DCAF5: variants seen among roughly 807,000 people sequenced by gnomAD.
DCAF5 encodes DDB1- and CUL4-associated factor 5.
In DCAF5, 9 loss-of-function variants were observed where a neutral mutation model predicts 80.7. That is an observed-to-expected ratio of 0.11 (90% CI 0.07 to 0.19). DCAF5 has a LOEUF of 0.19. DCAF5 is among the 10% of genes least tolerant of loss of function. The probability of loss-of-function intolerance (pLI) is 1.00; values close to 1 mark genes in which losing one functional copy is unlikely to be tolerated. For synonymous variants in DCAF5, 433 were observed against 461.9 expected, an observed-to-expected ratio of 0.94 and a Z score of 0.80; for missense variants, 842 against 1,205.7, an observed-to-expected ratio of 0.70 and a Z score of 4.47.
chr14:69,092,131 A>G (rs1200308582), intron 5 of DCAF5, among the ~76,000 whole-genome samples: 1 of 152,186 alleles, frequency 6.6e-6, no homozygotes, highest in East Asian at 1.9e-4. Flanking sequence ...AGTTACAAGA[A>G]AAGGATAACA....
chr14:69,136,032 T>A (rs1406108179), intron 1 of DCAF5, among the ~76,000 whole-genome samples: 1 of 152,152 alleles, frequency 6.6e-6, no homozygotes, highest in Non-Finnish European at 1.5e-5. Flanking sequence ...TCTACTTGTT[T>A]TGGTACAGTA....
chr14:69,110,076 T>C (rs1236445952), intron 5 of DCAF5, among the ~76,000 whole-genome samples: 2 of 152,228 alleles, frequency 1.3e-5, no homozygotes, highest in South Asian at 4.1e-4. Context: ...TAAAGTTCAG[T>C]ACTTTTCAAA....
chr14:69,135,953 T>C (rs1397884841), intron 1 of DCAF5, among the ~76,000 whole-genome samples: 1 of 152,182 alleles, frequency 6.6e-6, no homozygotes, highest in Non-Finnish European at 1.5e-5. Context: ...AATGTAACAA[T>C]GTAACAGGCT....
At chr14:69,092,124 T>C (rs966748344) in intron 5 of DCAF5, among the ~76,000 whole-genome samples, 1 of 152,150 alleles carries the variant, frequency 6.6e-6, no homozygotes, top group Non-Finnish European at 1.5e-5. Context: ...CCAGTAAAGT[T>C]ACAAGAAAAG....
At chr14:69,109,338 C>CA (rs199758443) in intron 5 of DCAF5, among the ~76,000 whole-genome samples, 2,672 of 99,910 alleles carry the variant, frequency 0.027, 73 homozygotes, top group East Asian at 0.17. Flanking sequence ...AACTCTGCCT[C>CA]AAAAAAAAAA....
In DCAF5 at chr14:69,118,360, G is replaced by T; in HGVS notation, c.396-82C>A. ...GTCCCAGCACTTTGGTACCGAGGGT[G>T]CCATCTTTTCCATTTCTAGAAGAAA... On this transcript the variant is annotated intron_variant, in intron 3 of 8. Coordinates refer to ENST00000341516, the MANE Select transcript of DCAF5 (RefSeq NM_003861.3). The surrounding 1 kb of genome is among the most constrained non-coding windows in gnomAD (Gnocchi z 4.0). 1 of 1,380,248 alleles carries T rather than the reference G, an allele frequency of 7.2e-7. No individual in the cohort carries two copies. Among genetic ancestry groups the T allele is most frequent in the Non-Finnish European group, 9.7e-7 (1 of 1,034,348 alleles). The allele number at this position is 1,380,248 out of a possible 1,614,324, so 85.5% of individuals were successfully genotyped here.
At position 69,135,686 on chromosome 14, in the gene DCAF5, A is replaced by G. The variant is rs115030374; in HGVS notation, c.215-13326T>C. On this transcript the variant is annotated intron_variant, in intron 1 of 8. Transcript: ENST00000341516. ...AGCCAATGATAAAATTCAAGCTTTCAAGTAAAAATAAAAATTTTGGAAAAA... is the reference window on the plus strand; with the variant it reads ...AGCCAATGATAAAATTCAAGCTTTCGAGTAAAAATAAAAATTTTGGAAAAA... 5.7e-3 allele frequency among the ~76,000 whole-genome samples: 872 copies of G among 152,356 alleles called. 7 individuals carry two copies. The highest frequency in any genetic ancestry group is 0.019 in the African/African-American group (776 of 41,588).
chr14:69,053,740 C>T lies in DCAF5; in HGVS notation c.*117G>A. The T allele has an allele frequency of 1.0e-6, 1 of 1,003,414 alleles. No homozygotes were observed. The highest frequency in any genetic ancestry group is 1.4e-6 in the Non-Finnish European group (1 of 710,788). 62.2% of individuals were successfully genotyped at this position (1,003,414 alleles called of 1,614,324 possible). Reference sequence around the variant, plus strand: ...GGGAGCAGCATCAGACACAAAATTTCAGGCCCTGGTTTCATGTGCCTTTAA... The same window carrying T: ...GGGAGCAGCATCAGACACAAAATTTTAGGCCCTGGTTTCATGTGCCTTTAA... On this transcript the variant is annotated 3_prime_UTR_variant, in exon 9 of 9. Transcript: ENST00000341516.
intron 1 of DCAF5, among the ~76,000 whole-genome samples, chr14:69,148,725 CTCAAAA>C (rs1396227589): frequency 6.6e-6 from 1 of 152,142 alleles, no homozygotes; most frequent in Non-Finnish European, 1.5e-5. Flanking sequence ...GTAATGTTCA[CTCAAAA>C]TCAAGTTCAT....
In DCAF5 at chr14:69,054,819, C is replaced by G. The variant is rs769770491; in HGVS notation, c.1867G>C (p.Asp623His). 6.2e-7 allele frequency: 1 copy of G among 1,614,188 alleles called. No homozygotes were observed. Among genetic ancestry groups the G allele is most frequent in the Admixed American group, 1.7e-5 (1 of 60,022 alleles). ...DNYDYPQIKVDDLSSSPTSSP... is the reference protein window; with the variant it reads ...DNYDYPQIKVHDLSSSPTSSP... ...GAGGTTGGGGAGGAGGAGAGGTCAT[C>G]CACTTTGATCTGGGGGTAATCATAG... The change falls in exon 9 of 9, where the codon GAT becomes CAT. Residue 623 changes from aspartate to histidine, a missense_variant. By Grantham distance (81) the Asp-to-His change is moderately conservative (BLOSUM62 -1). This residue lies in a region of DCAF5 where 607 missense variants were observed against 656.6 expected (regional missense o/e 0.92). Coordinates refer to ENST00000341516, the MANE Select transcript of DCAF5 (RefSeq NM_003861.3).
At chr14:69,080,107 G>C (rs2039045660) in intron 6 of DCAF5, among the ~76,000 whole-genome samples, 1 of 152,134 alleles carries the variant, frequency 6.6e-6, no homozygotes, top group Non-Finnish European at 1.5e-5. Context: ...GCCATTAAGA[G>C]CTCTTTTGTC....
At chr14:69,079,251 A>G (rs1359866589) in intron 6 of DCAF5, among the ~76,000 whole-genome samples, 1 of 152,242 alleles carries the variant, frequency 6.6e-6, no homozygotes, top group Non-Finnish European at 1.5e-5. Context: ...ATTCTCAGAC[A>G]GAATGCTGAC....
chr14:69,064,428 G>A (rs1017513536), intron 7 of DCAF5, among the ~76,000 whole-genome samples: 16 of 152,114 alleles, frequency 1.1e-4, no homozygotes, highest in African/African-American at 3.9e-4. Flanking sequence ...CAAAAAGAGG[G>A]GGGATGTGGG....
At chr14:69,064,919 G>T (rs2038370539) in intron 7 of DCAF5, among the ~76,000 whole-genome samples, 2 of 152,126 alleles carry the variant, frequency 1.3e-5, no homozygotes, top group African/African-American at 4.8e-5. Context: ...CAGCTGGAAG[G>T]TCTCATATAA....
chr14:69,074,607 G>C (rs1391454271), intron 7 of DCAF5, among the ~76,000 whole-genome samples: 1 of 152,142 alleles, frequency 6.6e-6, no homozygotes, highest in Admixed American at 6.5e-5. Context: ...CATCAACAAA[G>C]AAAGCCTCCC....
chr14:69,071,513 C>G (rs1333411133), intron 7 of DCAF5, among the ~76,000 whole-genome samples: 1 of 146,836 alleles, frequency 6.8e-6, no homozygotes, highest in Non-Finnish European at 1.5e-5. Context: ...ATTAGGTATA[C>G]AATGGCAAGC....
intron 8 of DCAF5, among the ~76,000 whole-genome samples, chr14:69,058,375 T>C (rs1231584354): frequency 1.3e-5 from 2 of 151,542 alleles, no homozygotes; most frequent in Non-Finnish European, 2.9e-5. Flanking sequence ...AAAAATTAGC[T>C]GGGCGTGGTG....
In DCAF5 at chr14:69,119,211, G is replaced by T. The variant is rs1260807616; in HGVS notation, c.378C>A (p.Ile126=). 1 of 1,613,210 alleles carries T rather than the reference G, an allele frequency of 6.2e-7. No individual in the cohort carries two copies. Among genetic ancestry groups the T allele is most frequent in the African/African-American group, 1.3e-5 (1 of 74,820 alleles). Residue 126 remains isoleucine (I), a synonymous_variant, in exon 3 of 9, where the codon ATC becomes ATA. Coordinates refer to ENST00000341516, the MANE Select transcript of DCAF5 (RefSeq NM_003861.3). ...VFSGGNDEQV[I]LHDVESSETL... ...CTATTTACCTTTCAACATCATGGAG[G>T]ATAACTTGCTCATCATTGCCTGCAA...
At chr14:69,107,051 ATAAATAAT>A (rs750392703) in intron 5 of DCAF5, among the ~76,000 whole-genome samples, 1 of 61,944 alleles carries the variant, frequency 1.6e-5, no homozygotes, top group African/African-American at 4.6e-5. Context: ...CAAAAAATAA[ATAAATAAT>A]TAAATAATTA....
Sources: gnomAD v4.1 joint callset for allele counts (sites outside exome capture counted in the v4.1 genomes callset) on GRCh38, gnomAD v4.1.1 for gene constraint, gnomAD v4.1.1 regional missense constraint, Gnocchi (gnomAD v3.1) non-coding constraint, MANE v1.5 for transcripts, NCBI Gene and HGNC (gene_info 2026-07-23, HGNC 2026-07-21) for gene names.